The following RBFOX1 variants were observed in gnomAD, a reference collection of about 807,000 sequenced individuals.
RBFOX1 encodes RNA binding fox-1 homolog 1.
RBFOX1 carries 8 observed loss-of-function variants against 57.7 expected under a neutral mutation model. That is an observed-to-expected ratio of 0.14 (90% CI 0.08 to 0.25). The LOEUF is 0.25. Among genes scored for constraint, RBFOX1 ranks in the 10% least tolerant of loss-of-function variants. The probability of loss-of-function intolerance (pLI) is 1.00; values close to 1 mark genes in which losing one functional copy is unlikely to be tolerated. For missense variants in RBFOX1, 611 were observed against 548.5 expected, an observed-to-expected ratio of 1.11 and a Z score of -1.14; for synonymous variants, 326 against 222.4, an observed-to-expected ratio of 1.47 and a Z score of -4.15.
intron 3 of RBFOX1, among the ~76,000 whole-genome samples, chr16:5,813,320 C>T (rs949561546): frequency 6.6e-6 from 1 of 152,210 alleles, no homozygotes; most frequent in Non-Finnish European, 1.5e-5. Flanking sequence ...GCACCCACAA[C>T]ATTGTACAAC....
intron 2 of RBFOX1, among the ~76,000 whole-genome samples, chr16:6,353,683 C>T (rs2086791712): frequency 6.6e-6 from 1 of 152,076 alleles, no homozygotes; most frequent in African/African-American, 2.4e-5. Flanking sequence ...GCCCTTTGTT[C>T]CCTGTAGTGT....
At chr16:5,796,392 C>G (rs1046373245) in intron 3 of RBFOX1, among the ~76,000 whole-genome samples, 3 of 152,164 alleles carry the variant, frequency 2.0e-5, no homozygotes, top group Non-Finnish European at 4.4e-5. Flanking sequence ...AATATATCCA[C>G]AGTGATCAAG....
intron 4 of RBFOX1, among the ~76,000 whole-genome samples, chr16:7,406,901 C>G (rs1850398759): frequency 6.6e-6 from 1 of 152,186 alleles, no homozygotes; most frequent in South Asian, 2.1e-4. Flanking sequence ...TGGCTCATGG[C>G]CCCTTCCTCC....
At chr16:6,127,506 C>A (rs1019302084) in intron 1 of RBFOX1, among the ~76,000 whole-genome samples, 1 of 152,224 alleles carries the variant, frequency 6.6e-6, no homozygotes, top group Non-Finnish European at 1.5e-5. Context: ...AAACACGTAG[C>A]TTTGAATTCC....
rs9302854 is a variant in RBFOX1, at chr16:7,711,527, C to T, written c.*782C>T. The T allele has an allele frequency of 0.91, 138,206 of 152,548 alleles. 63,571 individuals are homozygous for T. The highest frequency in any genetic ancestry group is 0.99 in the Non-Finnish European group (67,190 of 68,036). The allele number at this position is 152,548 out of a possible 1,614,324, so 9.4% of individuals were successfully genotyped here. A position where few individuals can be genotyped will look rare whatever the true frequency, so the allele number is the denominator to read the frequency against. On this transcript the variant is annotated 3_prime_UTR_variant, in exon 16 of 16. Transcript: ENST00000550418. The stretch of plus-strand genomic sequence containing the variant: ...CCAGTATAATAAATTATTGATATCA[C>T]TGCTGACTTTTATATTATGGGAGGG...
At chr16:6,944,259 G>T (rs1233046233) in intron 3 of RBFOX1, among the ~76,000 whole-genome samples, 1 of 152,034 alleles carries the variant, frequency 6.6e-6, no homozygotes, top group East Asian at 1.9e-4. Context: ...GCCAGGCATG[G>T]TGGTGGGCGC....
intron 10 of RBFOX1, 121 bp from the exon 11 acceptor site, chr16:7,630,482 C>T: frequency 6.5e-7 from 1 of 1,532,194 alleles, no homozygotes; most frequent in Non-Finnish European, 8.7e-7. Flanking sequence ...TACCCTTGTC[C>T]TGCGCTCTGG....
chr16:6,370,548 C>T (rs920658342), intron 2 of RBFOX1, among the ~76,000 whole-genome samples: 2 of 151,934 alleles, frequency 1.3e-5, no homozygotes, highest in African/African-American at 2.4e-5. Context: ...CATGGACAAA[C>T]CTTGAAACAT....
intron 4 of RBFOX1, among the ~76,000 whole-genome samples, chr16:7,215,629 A>T (rs750137302): frequency 7.2e-5 from 11 of 152,144 alleles, no homozygotes; most frequent in Non-Finnish European, 1.2e-4. Flanking sequence ...ATAACCCTCA[A>T]AAGATCCTCG....
chr16:7,600,782 T>C (rs2094969797), intron 9 of RBFOX1, among the ~76,000 whole-genome samples: 1 of 152,298 alleles, frequency 6.6e-6, no homozygotes, highest in East Asian at 1.9e-4. Flanking sequence ...GAATTCTAAA[T>C]GTGATGAGAT....
rs59117140 is a variant in RBFOX1, at chr16:5,548,158, TAAA to T, written c.259-50729_259-50727del. Among the ~76,000 whole-genome samples, 784 of 82,324 alleles carry T rather than the reference TAAA, an allele frequency of 9.5e-3. 15 individuals carry two copies. The highest frequency in any genetic ancestry group is 0.032 in the African/African-American group (656 of 20,616). The allele number at this position is 82,324 out of a possible 152,430, so 54.0% of individuals were successfully genotyped here. A position where few individuals can be genotyped will look rare whatever the true frequency, so the allele number is the denominator to read the frequency against. ...CCTGGGTGACAGAGCAAGACTCTGT[TAAA>T]AAAAAAAAAAAAAATATATATATAT... On this transcript the variant is annotated intron_variant, in intron 2 of 2. Transcript: ENST00000585867.
chr16:6,756,748 G>C (rs985334997), intron 3 of RBFOX1, among the ~76,000 whole-genome samples: 1 of 152,070 alleles, frequency 6.6e-6, no homozygotes, highest in Non-Finnish European at 1.5e-5. Flanking sequence ...GAGGCAGGGG[G>C]GTCATGTGAG....
chr16:7,423,327 G>A (rs1219055487), intron 4 of RBFOX1, among the ~76,000 whole-genome samples: 1 of 152,018 alleles, frequency 6.6e-6, no homozygotes, highest in Non-Finnish European at 1.5e-5. Context: ...TAAACACAAA[G>A]AGTGCATCTT....
At chr16:5,424,880 T>C (rs1415471319) in intron 1 of RBFOX1, among the ~76,000 whole-genome samples, 1 of 12,336 alleles carries the variant, frequency 8.1e-5, no homozygotes, top group Non-Finnish European at 1.9e-4. Context: ...CTTTTTTTTC[T>C]TTCTTTCTTT....
intron 4 of RBFOX1, among the ~76,000 whole-genome samples, chr16:7,324,173 A>T (rs115015667): frequency 1.1e-3 from 165 of 152,302 alleles, no homozygotes; most frequent in African/African-American, 3.9e-3. Flanking sequence ...GAGCCATCTG[A>T]TGAGCCTTCT....
chr16:6,471,111 C>G (rs1256269307), intron 2 of RBFOX1, among the ~76,000 whole-genome samples: 1 of 152,182 alleles, frequency 6.6e-6, no homozygotes, highest in East Asian at 1.9e-4. Flanking sequence ...CCTGTGCCCC[C>G]TTTCCCTGCC....
intron 3 of RBFOX1, among the ~76,000 whole-genome samples, chr16:6,941,417 A>G (rs1439249774): frequency 2.0e-5 from 3 of 150,802 alleles, no homozygotes; most frequent in South Asian, 2.1e-4. Flanking sequence ...CATTTGGAAT[A>G]TTAGGAAATC....
intron 4 of RBFOX1, among the ~76,000 whole-genome samples, chr16:7,208,263 C>T (rs1328505726): frequency 6.6e-6 from 1 of 152,188 alleles, no homozygotes; most frequent in African/African-American, 2.4e-5. Context: ...TCCTGGCTCC[C>T]TTTGCCTCAC....
At chr16:6,564,251 A>G (rs757894870) in intron 2 of RBFOX1, among the ~76,000 whole-genome samples, 25 of 152,184 alleles carry the variant, frequency 1.6e-4, no homozygotes, top group Middle Eastern at 3.2e-3. Flanking sequence ...AGCATCATGT[A>G]CATATGGAAC....
Sources: gnomAD v4.1 joint callset for allele counts (sites outside exome capture counted in the v4.1 genomes callset) on GRCh38, gnomAD v4.1.1 for gene constraint, MANE v1.5 for transcripts, NCBI Gene and HGNC (gene_info 2026-07-23, HGNC 2026-07-21) for gene names.